CALN1: variants seen among roughly 807,000 people sequenced by gnomAD.
CALN1 encodes the protein calcium-binding protein 8.
CALN1 carries 17 observed loss-of-function variants against 30.6 expected under a neutral mutation model. The ratio of observed to expected loss-of-function variants is 0.56; its 90% CI spans 0.38 to 0.83. The LOEUF is 0.83. Among genes scored for constraint, CALN1 ranks in the 40% least tolerant of loss-of-function variants. The pLI is 0.00. For synonymous variants in CALN1, 156 were observed against 131.4 expected (o/e 1.19, Z -1.28); for missense variants, 291 against 354.9 (o/e 0.82, Z 1.45).
At chr7:72,451,369 A>G (rs1808660324), upstream of CALN1, among the ~76,000 whole-genome samples, 1 of 135,006 alleles carries the variant, frequency 7.4e-6, no homozygotes, top group Non-Finnish European at 1.6e-5. Flanking sequence ...AGTAGAAAAA[A>G]TAAGAAAGAA....
chr7:72,096,212 TGGA>T (rs1405428258), intron 4 of CALN1, among the ~76,000 whole-genome samples: 2 of 152,088 alleles, frequency 1.3e-5, no homozygotes, highest in Non-Finnish European at 2.9e-5. Flanking sequence ...GGACCACACA[TGGA>T]GGAGAGAGGA....
intron 3 of CALN1, among the ~76,000 whole-genome samples, chr7:72,115,376 C>CTATTT (rs1217655071): frequency 6.9e-6 from 1 of 145,324 alleles, no homozygotes; most frequent in Admixed American, 7.0e-5. Context: ...ATGGAAAGAT[C>CTATTT]TATTTTATTT....
At chr7:71,964,327 T>A (rs1006652863) in intron 5 of CALN1, among the ~76,000 whole-genome samples, 12 of 152,230 alleles carry the variant, frequency 7.9e-5, no homozygotes, top group Middle Eastern at 3.4e-3. Context: ...AGGGTGAGTG[T>A]TTACAGCTCC....
chr7:71,959,026 A>G (rs1797107722), intron 5 of CALN1, among the ~76,000 whole-genome samples: 1 of 152,190 alleles, frequency 6.6e-6, no homozygotes, highest in Non-Finnish European at 1.5e-5. Flanking sequence ...GTCACTTGTT[A>G]GTTATAAAAG....
At position 71,847,763 on chromosome 7, in the gene CALN1, G is replaced by GA. The variant is rs1391472959; in HGVS notation, c.502-37272dup. On this transcript the variant is annotated intron_variant, in intron 5 of 6. Coordinates refer to ENST00000395275, the MANE Select transcript of CALN1 (RefSeq NM_031468.4). ...AGAAAGAAGAAGAAAGAAGAAAGAAGAAGAAGAAGAAAGAAGAAGAAGAAG... is the reference window on the plus strand; with the variant it reads ...AGAAAGAAGAAGAAAGAAGAAAGAAGAAAGAAGAAGAAAGAAGAAGAAGAAG... Among the ~76,000 whole-genome samples the GA allele has an allele frequency of 4.4e-3, 541 of 123,348 alleles. 4 individuals are homozygous for GA. The highest frequency in any genetic ancestry group is 0.012 in the African/African-American group (431 of 35,070). 80.9% of individuals were successfully genotyped at this position (123,348 alleles called of 152,430 possible).
intron 5 of CALN1, among the ~76,000 whole-genome samples, chr7:71,988,607 T>A (rs1238579930): frequency 6.6e-6 from 1 of 152,184 alleles, no homozygotes; most frequent in East Asian, 1.9e-4. Flanking sequence ...ACTATATTTT[T>A]AATTTATTTC....
rs1787562535 is a variant in CALN1 at position 71,805,651 on chromosome 7, TGA to T, written c.658+4683_658+4684del. Among the ~76,000 whole-genome samples, 6 of 150,952 alleles carry T rather than the reference TGA, an allele frequency of 4.0e-5. No homozygotes were observed. In the East Asian group the frequency reaches 9.9e-4, roughly 25 times the overall value. ...TTTGACACACACTCAGTGTTGATCGTGAGGTCAGCTCGTTTTCCAACTTGCTT... is the reference window on the plus strand; with the variant it reads ...TTTGACACACACTCAGTGTTGATCGTGGTCAGCTCGTTTTCCAACTTGCTT... On this transcript the variant is annotated intron_variant, in intron 6 of 6. Coordinates refer to ENST00000395275, the MANE Select transcript of CALN1 (RefSeq NM_031468.4).
At chr7:72,032,216 G>A (rs934929831) in intron 4 of CALN1, among the ~76,000 whole-genome samples, 5 of 151,640 alleles carry the variant, frequency 3.3e-5, no homozygotes, top group Admixed American at 6.6e-5. Context: ...CCACCACTGC[G>A]CCCAGCTAAT....
chr7:72,464,443 C>T, the CALN1 span, among the ~76,000 whole-genome samples: 1 of 152,208 alleles, frequency 6.6e-6, no homozygotes, highest in Non-Finnish European at 1.5e-5. Flanking sequence ...AATTCATATT[C>T]CAATGGTGAC....
At chr7:72,187,105 C>A (rs1444736176) in intron 3 of CALN1, among the ~76,000 whole-genome samples, 4 of 151,882 alleles carry the variant, frequency 2.6e-5, no homozygotes, top group Non-Finnish European at 4.4e-5. Flanking sequence ...TTAAAAGTTG[C>A]AAGAAAGGTA....
intron 2 of CALN1, among the ~76,000 whole-genome samples, chr7:72,362,005 C>T (rs745347115): frequency 6.6e-6 from 1 of 151,976 alleles, no homozygotes; most frequent in African/African-American, 2.4e-5. Context: ...ATACTCAGAA[C>T]AGGATAAAAA....
At chr7:72,474,796 G>A in the CALN1 span, among the ~76,000 whole-genome samples, 1 of 152,130 alleles carries the variant, frequency 6.6e-6, no homozygotes, top group South Asian at 2.1e-4. Flanking sequence ...TCTCCCTCCT[G>A]CCTCTTGCCG....
At chr7:72,085,391 CT>C (rs1056135629) in intron 4 of CALN1, among the ~76,000 whole-genome samples, 2 of 152,158 alleles carry the variant, frequency 1.3e-5, no homozygotes, top group East Asian at 1.9e-4. Context: ...CATTCACATC[CT>C]TTTTTTACAG....
chr7:71,967,209 A>G (rs148813799), intron 5 of CALN1, among the ~76,000 whole-genome samples: 2 of 152,330 alleles, frequency 1.3e-5, no homozygotes, highest in Non-Finnish European at 2.9e-5. Context: ...TAAAGCATGA[A>G]TAATGAAGGA....
chr7:72,145,524 C>G (rs1024619751), intron 3 of CALN1, among the ~76,000 whole-genome samples: 1 of 152,116 alleles, frequency 6.6e-6, no homozygotes, highest in African/African-American at 2.4e-5. Context: ...AGATTCACAG[C>G]CGAATTCTAC....
chr7:71,923,592 T>A (rs572185044), intron 5 of CALN1, among the ~76,000 whole-genome samples: 6 of 152,288 alleles, frequency 3.9e-5, no homozygotes, highest in African/African-American at 1.2e-4. Context: ...TTCTTGTGAT[T>A]ACCTAATTTA....
intron 3 of CALN1, among the ~76,000 whole-genome samples, chr7:72,270,394 T>C (rs972999353): frequency 8.5e-5 from 13 of 152,260 alleles, no homozygotes; most frequent in African/African-American, 2.9e-4. Flanking sequence ...AAAACCTCTG[T>C]GGATTTGAAT....
chr7:72,053,631 G>A (rs1012850463), intron 4 of CALN1, among the ~76,000 whole-genome samples: 6 of 96,890 alleles, frequency 6.2e-5, no homozygotes, highest in Admixed American at 2.4e-4. Context: ...CTTTATCAAA[G>A]TTTATCTATT....
chr7:72,228,714 C>A (rs566334360), intron 3 of CALN1, among the ~76,000 whole-genome samples: 1 of 151,380 alleles, frequency 6.6e-6, no homozygotes, highest in Non-Finnish European at 1.5e-5. Context: ...GCAAGCACTC[C>A]ACAAGTGTTG....
Sources: gnomAD v4.1 joint callset for allele counts (sites outside exome capture counted in the v4.1 genomes callset) on GRCh38, gnomAD v4.1.1 for gene constraint, MANE v1.5 for transcripts, NCBI Gene and HGNC (gene_info 2026-07-23, HGNC 2026-07-21) for gene names.